Variants in SOBP observed in about 807,000 individuals in gnomAD.
The protein encoded by SOBP is sine oculis-binding protein homolog.
SOBP carries 4 observed loss-of-function variants against 53.6 expected under a neutral mutation model. That is an observed-to-expected ratio of 0.07 (90% CI 0.04 to 0.17). The LOEUF (loss-of-function observed/expected upper bound fraction) is 0.17. Among genes scored for constraint, SOBP ranks in the 10% least tolerant of loss-of-function variants. The probability of loss-of-function intolerance (pLI) is 1.00; values close to 1 mark genes in which losing one functional copy is unlikely to be tolerated. For missense variants in SOBP, 1,088 were observed against 1,204.7 expected (o/e 0.90, Z 1.43); for synonymous variants, 584 against 522.6 (o/e 1.12, Z -1.60).
At chr6:107,569,614 C>T (rs1030668864) in intron 4 of SOBP, among the ~76,000 whole-genome samples, 3 of 152,232 alleles carry the variant, frequency 2.0e-5, no homozygotes, top group African/African-American at 4.8e-5. Flanking sequence ...CGTATTTTTA[C>T]TGCACAGAAG....
chr6:107,534,578 T>C (rs1463613661), intron 4 of SOBP, among the ~76,000 whole-genome samples: 2 of 152,242 alleles, frequency 1.3e-5, no homozygotes, highest in African/African-American at 4.8e-5. Context: ...TTTGCAATCC[T>C]GAAATGCTAA....
Position 107,641,081 on chromosome 6 carries a change from A to G in SOBP, c.*3+5612A>G, listed in dbSNP as rs369988259. 7.2e-5 allele frequency among the ~76,000 whole-genome samples: 11 copies of G among 152,356 alleles called. No homozygotes were observed. In the South Asian group the frequency reaches 2.1e-3, roughly 29 times the overall value. On this transcript the variant is annotated intron_variant, in intron 6 of 6. Transcript: ENST00000317357. ...TTTGGCTCCAGAAAAAGTATGCTCTATATCTCTGAAGGATTATCTTACCTT... is the reference window on the plus strand; with the variant it reads ...TTTGGCTCCAGAAAAAGTATGCTCTGTATCTCTGAAGGATTATCTTACCTT...
chr6:107,594,480 TA>T (rs796972706), intron 5 of SOBP, among the ~76,000 whole-genome samples: 430 of 143,028 alleles, frequency 3.0e-3, no homozygotes, highest in Admixed American at 3.0e-3. Flanking sequence ...GCACTAAGCT[TA>T]AAAAAAAAAA....
At chr6:107,530,960 C>G (rs1407036016) in intron 3 of SOBP, among the ~76,000 whole-genome samples, 3 of 152,202 alleles carry the variant, frequency 2.0e-5, no homozygotes, top group African/African-American at 7.2e-5. Flanking sequence ...TAAAAAATGA[C>G]AAGTGGGTCT....
chr6:107,566,296 G>A (rs976561307), intron 4 of SOBP, among the ~76,000 whole-genome samples: 10 of 152,254 alleles, frequency 6.6e-5, no homozygotes, highest in African/African-American at 2.4e-4. Context: ...AGGTGATGGT[G>A]AGTCGTGGAT....
chr6:107,496,447 T>C (rs986245715), intron 1 of SOBP, among the ~76,000 whole-genome samples: 8 of 152,244 alleles, frequency 5.3e-5, no homozygotes, highest in Non-Finnish European at 1.0e-4. Context: ...CAGAACCACA[T>C]GATTTTGGTT....
intron 3 of SOBP, among the ~76,000 whole-genome samples, chr6:107,532,340 G>A (rs1423235641): frequency 2.6e-5 from 4 of 151,354 alleles, no homozygotes; most frequent in East Asian, 1.9e-4. Flanking sequence ...AGCAAAAGCC[G>A]TTAAGAGGCA....
At chr6:107,637,394 G>A (rs554285815) in intron 6 of SOBP, among the ~76,000 whole-genome samples, 7 of 152,344 alleles carry the variant, frequency 4.6e-5, no homozygotes, top group African/African-American at 1.7e-4. Flanking sequence ...CTTTTCCTCT[G>A]ATGGCTTTGC....
chr6:107,524,113 G>A (rs527443595), intron 3 of SOBP, among the ~76,000 whole-genome samples: 187 of 152,330 alleles, frequency 1.2e-3, no homozygotes, highest in African/African-American at 4.0e-3. Context: ...TTGTTCTGAG[G>A]TCCTGTATAA....
intron 6 of SOBP, among the ~76,000 whole-genome samples, chr6:107,657,521 A>T (rs1178706784): frequency 2.0e-5 from 3 of 152,224 alleles, no homozygotes; most frequent in Admixed American, 6.5e-5. Flanking sequence ...GAAGATAGGT[A>T]TATGTGTCCA....
intron 4 of SOBP, among the ~76,000 whole-genome samples, chr6:107,581,556 C>T (rs1785402748): frequency 6.6e-6 from 1 of 152,256 alleles, no homozygotes; most frequent in South Asian, 2.1e-4. Flanking sequence ...TCAGTGCTGA[C>T]CTTTAGTTCA....
intron 4 of SOBP, among the ~76,000 whole-genome samples, chr6:107,585,599 A>G (rs1360253277): frequency 6.6e-6 from 1 of 152,178 alleles, no homozygotes; most frequent in Non-Finnish European, 1.5e-5. Flanking sequence ...ATTTAGTAGG[A>G]AAAAAAGGTA....
At chr6:107,646,309 G>A (rs1028298421) in intron 6 of SOBP, among the ~76,000 whole-genome samples, 19 of 152,226 alleles carry the variant, frequency 1.2e-4, no homozygotes, top group African/African-American at 3.6e-4. Flanking sequence ...CACAATGCAC[G>A]GTGGAAGGAA....
At chr6:107,554,648 G>A (rs140479967) in intron 4 of SOBP, among the ~76,000 whole-genome samples, 1 of 152,328 alleles carries the variant, frequency 6.6e-6, no homozygotes, top group East Asian at 1.9e-4. Flanking sequence ...ATCTGCAGAA[G>A]TCTAGAACAC....
At position 107,634,635 on chromosome 6, in the gene SOBP, G is replaced by GC; in HGVS notation, c.1797dup (p.Gly600ArgfsTer137). 1 of 1,579,148 alleles carries GC rather than the reference G, an allele frequency of 6.3e-7. No individual in the cohort carries two copies. On this transcript the variant is annotated frameshift_variant, in exon 6 of 7. Transcript: ENST00000317357. LOFTEE classifies it high-confidence loss of function. This position sits in a 1 kb window ranked among gnomAD's most constrained non-coding sequence, Gnocchi z 4.5. ...AGGGCTCGTCCAAGTCCGCGGACTC[G>GC]CCCCCCGGCTGCTCGGGCCAGGCCC... is the stretch of plus-strand genomic sequence containing the variant.
intron 1 of SOBP, among the ~76,000 whole-genome samples, chr6:107,494,173 G>T (rs866000359): frequency 6.6e-6 from 1 of 152,130 alleles, no homozygotes; most frequent in Non-Finnish European, 1.5e-5. Context: ...TTAATTAGTG[G>T]CTAGTAGAAT....
chr6:107,536,265 C>G (rs914236886), intron 4 of SOBP, among the ~76,000 whole-genome samples: 2 of 152,130 alleles, frequency 1.3e-5, no homozygotes, highest in Admixed American at 1.3e-4. Context: ...CATAACTTTA[C>G]AAAGAAAAAT....
At chr6:107,587,272 A>G in intron 5 of SOBP, 97 bp downstream of exon 5, 1 of 960,444 alleles carries the variant, frequency 1.0e-6, no homozygotes, top group Non-Finnish European at 1.7e-6. Context: ...AATTGATGAA[A>G]TATTATAGTT....
intron 5 of SOBP, among the ~76,000 whole-genome samples, chr6:107,618,993 G>T (rs1786905054): frequency 6.6e-6 from 1 of 152,188 alleles, no homozygotes; most frequent in Admixed American, 6.5e-5. Flanking sequence ...AGCAGGGGCG[G>T]GGGAGCACTG....
Sources: allele counts gnomAD v4.1 joint callset (sites outside exome capture counted in the v4.1 genomes callset), GRCh38; gene constraint gnomAD v4.1.1; non-coding constraint Gnocchi (gnomAD v3.1); transcripts MANE v1.5; gene names NCBI Gene and HGNC (gene_info 2026-07-23, HGNC 2026-07-21).